The following VAPB variants were observed in gnomAD, a reference collection of about 807,000 sequenced individuals.
VAPB encodes vesicle-associated membrane protein-associated protein B/C.
VAPB carries 7 observed loss-of-function variants against 25.6 expected under a neutral mutation model. The ratio of observed to expected loss-of-function variants is 0.27; its 90% CI spans 0.16 to 0.51. The LOEUF (loss-of-function observed/expected upper bound fraction) is 0.51, where lower values mean the gene tolerates loss of function less well. Among genes scored for constraint, VAPB ranks in the 20% least tolerant of loss-of-function variants. The probability of loss-of-function intolerance (pLI) is 0.97; values close to 1 mark genes in which losing one functional copy is unlikely to be tolerated. For missense variants in VAPB, 266 were observed against 301.3 expected (o/e 0.88, Z 0.87); for synonymous variants, 112 against 109.2 (o/e 1.03, Z -0.16).
At chr20:58,399,647 G>A (rs1284132754) in intron 1 of VAPB, among the ~76,000 whole-genome samples, 3 of 151,320 alleles carry the variant, frequency 2.0e-5, no homozygotes, top group South Asian at 4.2e-4. Context: ...ACCCAGGAGG[G>A]CAGAGGTTGC....
chr20:58,436,192 A>AT (rs887516674), intron 3 of VAPB, among the ~76,000 whole-genome samples: 18 of 152,006 alleles, frequency 1.2e-4, no homozygotes, highest in South Asian at 4.2e-4. Flanking sequence ...ATAAGTTTAA[A>AT]TTTTTTTTAT....
chr20:58,443,290 T>C (rs1370209145), intron 5 of VAPB, among the ~76,000 whole-genome samples: 1 of 152,192 alleles, frequency 6.6e-6, no homozygotes, highest in East Asian at 1.9e-4. Flanking sequence ...GCCAGTCACA[T>C]TTTAATATTC....
At chr20:58,416,192 A>G (rs536143341) in intron 1 of VAPB, among the ~76,000 whole-genome samples, 14 of 152,278 alleles carry the variant, frequency 9.2e-5, no homozygotes, top group Non-Finnish European at 1.9e-4. Context: ...TTGTCTTTTA[A>G]TAGTTTAGAC....
Position 58,444,064 on chromosome 20 carries a change from T to G in VAPB, c.574-13T>G, listed in dbSNP as rs767419313. ...CCTTGGCTTGTCTTTGAAATGTGCG[T>G]TTGCTCCCGTAGGAAGAAGATGGAC... On this transcript the variant is annotated splice_polypyrimidine_tract_variant and intron_variant, in intron 5 of 5. Transcript: ENST00000475243. 1 of 1,614,190 alleles carries G rather than the reference T, an allele frequency of 6.2e-7. No homozygotes were observed. Among genetic ancestry groups the G allele is most frequent in the South Asian group, 1.1e-5 (1 of 91,070 alleles).
chr20:58,414,442 G>C (rs1988479725), intron 1 of VAPB, among the ~76,000 whole-genome samples: 2 of 151,270 alleles, frequency 1.3e-5, no homozygotes, highest in South Asian at 4.2e-4. Flanking sequence ...GCAGCCGCCG[G>C]GCGGAGGGTC....
intron 2 of VAPB, among the ~76,000 whole-genome samples, chr20:58,423,642 G>A (rs962716164): frequency 2.0e-5 from 3 of 152,118 alleles, no homozygotes; most frequent in African/African-American, 7.2e-5. Context: ...GGGTATAAAC[G>A]CACAGAGCCC....
rs748685764 is a variant in VAPB at position 58,449,395 on chromosome 20, CGGGT to C, written c.*5163_*5166del. ...TTATGGATGATAGTTAAAAGAGAAA[CGGGT>C]GGAGGTGGATGAGAGGTTGTCTTCA... On this transcript the variant is annotated 3_prime_UTR_variant, in exon 6 of 6. Transcript: ENST00000475243. The C allele has an allele frequency of 6.6e-6, 3 of 453,348 alleles. No homozygotes were observed. The highest frequency in any genetic ancestry group is 1.3e-5 in the Non-Finnish European group (3 of 226,706). The allele number at this position is 453,348 out of a possible 1,614,324, so 28.1% of individuals were successfully genotyped here.
intron 1 of VAPB, among the ~76,000 whole-genome samples, chr20:58,402,273 T>G (rs1988114229): frequency 6.6e-6 from 1 of 152,228 alleles, no homozygotes; most frequent in Non-Finnish European, 1.5e-5. Context: ...CCATGGGGCT[T>G]TGGCATACTA....
chr20:58,412,767 T>C (rs1988413337), intron 1 of VAPB, among the ~76,000 whole-genome samples: 1 of 152,190 alleles, frequency 6.6e-6, no homozygotes, highest in Non-Finnish European at 1.5e-5. Context: ...AAATTATTCT[T>C]TTGTAAAGAT....
At chr20:58,423,528 G>C (rs546071041) in intron 2 of VAPB, among the ~76,000 whole-genome samples, 5 of 148,352 alleles carry the variant, frequency 3.4e-5, no homozygotes, top group East Asian at 2.0e-4. Context: ...TAAATGGATA[G>C]TATTGTGATT....
In VAPB at chr20:58,446,541, A is replaced by G. The variant is rs766712783; in HGVS notation, c.*2306A>G. The stretch of plus-strand genomic sequence containing the variant: ...TGAGTCTGTAACAGTTCTTAAAAAG[A>G]ATATCTGAGAAACTACTCTGTTTTA... On this transcript the variant is annotated 3_prime_UTR_variant, in exon 6 of 6. Coordinates refer to ENST00000475243, the MANE Select transcript of VAPB (RefSeq NM_004738.5). The G allele has an allele frequency of 7.9e-5, 36 of 453,856 alleles. No homozygotes were observed. The highest frequency in any genetic ancestry group is 1.3e-4 in the Non-Finnish European group (29 of 226,734). 28.1% of individuals were successfully genotyped at this position (453,856 alleles called of 1,614,324 possible). A position where few individuals can be genotyped will look rare whatever the true frequency, so the allele number is the denominator to read the frequency against.
intron 2 of VAPB, among the ~76,000 whole-genome samples, chr20:58,427,528 C>T (rs1035109173): frequency 1.2e-4 from 16 of 135,792 alleles, no homozygotes; most frequent in Non-Finnish European, 1.9e-4. Context: ...TTTGTGATCT[C>T]GTAGCATTAT....
At chr20:58,429,066 G>T (rs1988870348) in intron 2 of VAPB, among the ~76,000 whole-genome samples, 1 of 152,042 alleles carries the variant, frequency 6.6e-6, no homozygotes, top group African/African-American at 2.4e-5. Context: ...TTGTAGGCGT[G>T]TAAATGCGAA....
At position 58,448,997 on chromosome 20, in the gene VAPB, T is replaced by C. The variant is rs1381122275; in HGVS notation, c.*4762T>C. On this transcript the variant is annotated 3_prime_UTR_variant, in exon 6 of 6. Transcript: ENST00000475243. ...ATTACAGAAGGGCCCTGCTGAGGTTTGAAAACAGCTGAGCTGCTGATGTCT... is the reference window on the plus strand; with the variant it reads ...ATTACAGAAGGGCCCTGCTGAGGTTCGAAAACAGCTGAGCTGCTGATGTCT... The C allele has an allele frequency of 2.2e-6, 1 of 454,138 alleles. No individual in the cohort carries two copies. The highest frequency in any genetic ancestry group is 6.9e-5 in the East Asian group (1 of 14,396). The allele number at this position is 454,138 out of a possible 1,614,324, so 28.1% of individuals were successfully genotyped here.
At chr20:58,429,401 T>TG (rs766928920) in intron 2 of VAPB, among the ~76,000 whole-genome samples, 7 of 152,260 alleles carry the variant, frequency 4.6e-5, no homozygotes, top group Non-Finnish European at 7.3e-5. Context: ...TTACACCCAC[T>TG]GCCTTGTGTG....
intron 2 of VAPB, among the ~76,000 whole-genome samples, chr20:58,428,749 C>G (rs1207672604): frequency 6.6e-6 from 1 of 152,206 alleles, no homozygotes; most frequent in Non-Finnish European, 1.5e-5. Flanking sequence ...TGATTAGCAA[C>G]ATTCTGTCAT....
At chr20:58,415,096 C>T (rs1057324373) in intron 1 of VAPB, among the ~76,000 whole-genome samples, 11 of 134,602 alleles carry the variant, frequency 8.2e-5, no homozygotes, top group Non-Finnish European at 1.7e-4. Context: ...AGCCTGCAAT[C>T]GCAGGCACTC....
chr20:58,400,618 TTTAGTA>T (rs1988074256), intron 1 of VAPB, among the ~76,000 whole-genome samples: 2 of 152,250 alleles, frequency 1.3e-5, no homozygotes, highest in Admixed American at 6.5e-5. Flanking sequence ...AGGTTTTTGT[TTTAGTA>T]TTTCTGAGTA....
Position 58,449,847 on chromosome 20 carries a change from C to T in VAPB, c.*5612C>T, listed in dbSNP as rs140602757. 4.8e-5 allele frequency: 22 copies of T among 454,074 alleles called. No individual in the cohort carries two copies. Among genetic ancestry groups the T allele is most frequent in the Middle Eastern group, 6.9e-4 (1 of 1,444 alleles). The allele number at this position is 454,074 out of a possible 1,614,324, so 28.1% of individuals were successfully genotyped here. On this transcript the variant is annotated 3_prime_UTR_variant, in exon 6 of 6. Coordinates refer to ENST00000475243, the MANE Select transcript of VAPB (RefSeq NM_004738.5). ...TGCATTCTGATGAGCTGCAGGAGTGCGCCTGGCCTTCTGCAGGTGGAGCTG... is the reference window on the plus strand; with the variant it reads ...TGCATTCTGATGAGCTGCAGGAGTGTGCCTGGCCTTCTGCAGGTGGAGCTG...
Sources: gnomAD v4.1 joint callset for allele counts (sites outside exome capture counted in the v4.1 genomes callset) on GRCh38, gnomAD v4.1.1 for gene constraint, MANE v1.5 for transcripts, NCBI Gene and HGNC (gene_info 2026-07-23, HGNC 2026-07-21) for gene names.